Variants in PEMT observed in about 807,000 individuals in gnomAD.
PEMT encodes the protein phospholipid methyltransferase.
A neutral mutation model predicts 27.4 loss-of-function variants in PEMT; 23 were observed. That is an observed-to-expected ratio of 0.84 (90% CI 0.60 to 1.19). PEMT has a LOEUF of 1.19. PEMT is among the 50% of genes most tolerant of loss of function. The pLI, the probability that PEMT is intolerant of heterozygous loss-of-function variation, is 0.00. For missense variants in PEMT, 307 were observed against 310.1 expected, an observed-to-expected ratio of 0.99 and a Z score of 0.07; for synonymous variants, 137 against 139.1, an observed-to-expected ratio of 0.98 and a Z score of 0.11.
At chr17:17,516,865 C>T (rs866235769) in intron 3 of PEMT, among the ~76,000 whole-genome samples, 1 of 152,206 alleles carries the variant, frequency 6.6e-6, no homozygotes, top group South Asian at 2.1e-4. Flanking sequence ...TCCAGCTGCC[C>T]TCATGGACCC....
chr17:17,555,468 G>A (rs1464865150), intron 2 of PEMT, among the ~76,000 whole-genome samples: 3 of 152,218 alleles, frequency 2.0e-5, no homozygotes, highest in African/African-American at 7.2e-5. Context: ...TGCAAGGTGA[G>A]GAGGAACTTT....
rs192592735 is a variant in PEMT, at chr17:17,509,862, C to T, written c.467-317G>A. Among the ~76,000 whole-genome samples, 660 of 152,302 alleles carry T rather than the reference C, an allele frequency of 4.3e-3. 3 individuals carry two copies. Among genetic ancestry groups the T allele is most frequent in the Admixed American group, 6.9e-3 (105 of 15,314 alleles). ...TCTGCACACGCTGTTCCCTCCCCTG[C>T]GATGCCTTTCCCTGCTCTCTGTACA... On this transcript the variant is annotated intron_variant, in intron 4 of 6. Coordinates refer to ENST00000255389, the MANE Select transcript of PEMT (RefSeq NM_148172.3).
At position 17,526,207 on chromosome 17, in the gene PEMT, G is replaced by A. The variant is rs146515289; in HGVS notation, c.205-3812C>T. On this transcript the variant is annotated intron_variant, in intron 2 of 6. Transcript: ENST00000255389. ...CACACAGGTCTCCTCCCCAAATGCC[G>A]GCTCCTTTTCTTTTTTTGCAAATCT... Among the ~76,000 whole-genome samples the A allele has an allele frequency of 1.1e-3, 172 of 152,154 alleles. 2 individuals carry two copies. The highest frequency in any genetic ancestry group is 1.1e-3 in the Non-Finnish European group (75 of 68,010).
Position 17,512,724 on chromosome 17 carries a change from C to A in PEMT, c.321-70G>T. 7.2e-7 allele frequency: 1 copy of A among 1,383,110 alleles called. No homozygotes were observed. The highest frequency in any genetic ancestry group is 9.5e-7 in the Non-Finnish European group (1 of 1,049,290). 85.7% of individuals were successfully genotyped at this position (1,383,110 alleles called of 1,614,324 possible). Reference sequence around the variant, plus strand: ...ATGTCACAGCCCGGGAGGAGGCCGACCTCATCTTCTCGCCCTCTCCCCAGG... The same window carrying A: ...ATGTCACAGCCCGGGAGGAGGCCGAACTCATCTTCTCGCCCTCTCCCCAGG... On this transcript the variant is annotated intron_variant, in intron 3 of 6. Transcript: ENST00000255389. The surrounding 1 kb of genome is among the most constrained non-coding windows in gnomAD (Gnocchi z 6.3).
At chr17:17,583,505 C>T (rs1315603297) in intron 1 of PEMT, among the ~76,000 whole-genome samples, 3 of 152,228 alleles carry the variant, frequency 2.0e-5, no homozygotes, top group Non-Finnish European at 4.4e-5. Flanking sequence ...GCTCAGAGGA[C>T]TCTGGCCTTT....
chr17:17,528,452 G>C (rs1455231996), intron 2 of PEMT, among the ~76,000 whole-genome samples: 3 of 152,250 alleles, frequency 2.0e-5, no homozygotes, highest in African/African-American at 4.8e-5. Flanking sequence ...GCACGGGTCT[G>C]TGTGGAATGA....
At chr17:17,537,957 G>A (rs1908601933) in intron 2 of PEMT, among the ~76,000 whole-genome samples, 1 of 152,236 alleles carries the variant, frequency 6.6e-6, no homozygotes, top group Non-Finnish European at 1.5e-5. Flanking sequence ...CACCTCCAGG[G>A]AAGATCAGGG....
rs1906468152 is a variant in PEMT at position 17,512,304 on chromosome 17, G to A, written c.466+205C>T. ...TCCCCAGGAGGCAGCCGCTCAGCAC[G>A]CTGGGGTAAGAGGAGCTGTTGGAGC... On this transcript the variant is annotated intron_variant, in intron 4 of 6. Transcript: ENST00000255389. This position sits in a 1 kb window ranked among gnomAD's most constrained non-coding sequence, Gnocchi z 6.3. 6.6e-6 allele frequency among the ~76,000 whole-genome samples: 1 copy of A among 152,200 alleles called. No homozygotes were observed. The highest frequency in any genetic ancestry group is 1.5e-5 in the Non-Finnish European group (1 of 68,034).
intron 2 of PEMT, among the ~76,000 whole-genome samples, chr17:17,537,183 G>A (rs897407380): frequency 3.2e-4 from 49 of 152,238 alleles, no homozygotes; most frequent in African/African-American, 1.2e-3. Context: ...TGGGGCTGCT[G>A]CTGCCCTGGA....
chr17:17,590,247 T>C (rs764027238), intron 1 of PEMT, among the ~76,000 whole-genome samples: 2 of 152,188 alleles, frequency 1.3e-5, no homozygotes, highest in African/African-American at 4.8e-5. Flanking sequence ...AAAGTAATAG[T>C]CTTCTTCCTG....
chr17:17,562,182 CG>C (rs34096232), intron 2 of PEMT, among the ~76,000 whole-genome samples: 1 of 152,254 alleles, frequency 6.6e-6, no homozygotes, highest in Admixed American at 6.5e-5. Context: ...TCTGCACACA[CG>C]GCCGAGGCCC....
In PEMT at chr17:17,512,384, C is replaced by T. The variant is rs1047629626; in HGVS notation, c.466+125G>A. On this transcript the variant is annotated intron_variant, in intron 4 of 6. Coordinates refer to ENST00000255389, the MANE Select transcript of PEMT (RefSeq NM_148172.3). The surrounding 1 kb of genome is among the most constrained non-coding windows in gnomAD (Gnocchi z 6.3). Reference sequence around the variant, plus strand: ...CAGGCCTGGAGGAGCAAAGACGCCCCGATGGAGGGGGCCCCTAGCACTCCC... The same window carrying T: ...CAGGCCTGGAGGAGCAAAGACGCCCTGATGGAGGGGGCCCCTAGCACTCCC... The T allele has an allele frequency of 1.7e-5, 15 of 887,714 alleles. No individual in the cohort carries two copies. In the East Asian group the frequency reaches 2.9e-4, roughly 17 times the overall value. The allele number at this position is 887,714 out of a possible 1,614,324, so 55.0% of individuals were successfully genotyped here.
chr17:17,542,616 A>G (rs1908968571), intron 2 of PEMT, among the ~76,000 whole-genome samples: 1 of 152,222 alleles, frequency 6.6e-6, no homozygotes, highest in South Asian at 2.1e-4. Context: ...GAGGAAAAAC[A>G]GGGGAATGGG....
chr17:17,553,733 G>T (rs1909840113), intron 2 of PEMT, among the ~76,000 whole-genome samples: 1 of 152,254 alleles, frequency 6.6e-6, no homozygotes, highest in Non-Finnish European at 1.5e-5. Context: ...TTGGCAGTCA[G>T]ATGTGGCCAG....
In PEMT at chr17:17,591,607, G is replaced by A; in HGVS notation, c.20C>T (p.Pro7Leu). The change falls in exon 1 of 7, where the codon CCG (proline) becomes CTG (leucine). Residue 7 changes from proline (P) to leucine (L), a missense_variant. By Grantham distance (98) the Pro-to-Leu change is moderately conservative (BLOSUM62 -3). Coordinates refer to ENST00000255389, the MANE Select transcript of PEMT (RefSeq NM_148172.3). MKRSGN[P>L]GAEVTNSSVA... ...CGAGCTGTTCGTTACCTCGGCTCCC[G>A]GGTTCCCAGATCTCTTCATCCGGGG... 7 of 1,613,032 alleles carry A rather than the reference G, an allele frequency of 4.3e-6. No individual in the cohort carries two copies. The highest frequency in any genetic ancestry group is 1.3e-5 in the African/African-American group (1 of 75,008).
rs1164594555 is a variant in PEMT at position 17,513,992 on chromosome 17, C to T, written c.321-1338G>A. The stretch of plus-strand genomic sequence containing the variant: ...GCTTACCATCCACCCCACCACCCAT[C>T]CTTCCTCCATCCATCTATCCTCTAT... On this transcript the variant is annotated intron_variant, in intron 3 of 6. Coordinates refer to ENST00000255389, the MANE Select transcript of PEMT (RefSeq NM_148172.3). The surrounding 1 kb of genome is among the most constrained non-coding windows in gnomAD (Gnocchi z 4.1). Among the ~76,000 whole-genome samples the T allele has an allele frequency of 6.6e-6, 1 of 152,184 alleles. No homozygotes were observed. Among genetic ancestry groups the T allele is most frequent in the Non-Finnish European group, 1.5e-5 (1 of 68,030 alleles).
intron 2 of PEMT, among the ~76,000 whole-genome samples, chr17:17,551,763 G>A (rs1296201721): frequency 2.0e-5 from 3 of 152,208 alleles, no homozygotes; most frequent in Non-Finnish European, 4.4e-5. Flanking sequence ...CATGAGGGCC[G>A]TGTGTCCCAG....
At chr17:17,573,876 G>T (rs921511260) in intron 2 of PEMT, among the ~76,000 whole-genome samples, 1 of 152,104 alleles carries the variant, frequency 6.6e-6, no homozygotes, top group African/African-American at 2.4e-5. Flanking sequence ...CGACCTCCTG[G>T]GTTCAAGTGA....
chr17:17,567,771 A>G (rs1910929941), intron 2 of PEMT, among the ~76,000 whole-genome samples: 1 of 152,240 alleles, frequency 6.6e-6, no homozygotes, highest in Non-Finnish European at 1.5e-5. Flanking sequence ...GGTCTCAGTC[A>G]GGCCTGATGA....
Sources: gnomAD v4.1 joint callset for allele counts (sites outside exome capture counted in the v4.1 genomes callset) on GRCh38, gnomAD v4.1.1 for gene constraint, Gnocchi (gnomAD v3.1) non-coding constraint, MANE v1.5 for transcripts, NCBI Gene and HGNC (gene_info 2026-07-23, HGNC 2026-07-21) for gene names.